The following GRIP1 variants were observed in gnomAD, a reference collection of about 807,000 sequenced individuals.
GRIP1 encodes the protein glutamate receptor-interacting protein 1.
GRIP1 carries 45 observed loss-of-function variants against 129.9 expected under a neutral mutation model. That is an observed-to-expected ratio of 0.35 (90% CI 0.27 to 0.44). The LOEUF is 0.44. Ranked by LOEUF, GRIP1 falls within the 20% of genes least tolerant of loss-of-function variation. The pLI, the probability that GRIP1 is intolerant of heterozygous loss-of-function variation, is 1.00. For synonymous variants in GRIP1, 530 were observed against 520.8 expected (o/e 1.02, Z -0.24); for missense variants, 1,196 against 1,396.8 (o/e 0.86, Z 2.29).
intron 1 of GRIP1, among the ~76,000 whole-genome samples, chr12:66,721,727 T>C (rs1488717124): frequency 6.6e-6 from 1 of 152,240 alleles, no homozygotes; most frequent in African/African-American, 2.4e-5. Flanking sequence ...TCTTCTGATA[T>C]AAGGCTGCTT....
At chr12:66,906,948 C>T (rs1464568949) in intron 1 of GRIP1, among the ~76,000 whole-genome samples, 1 of 152,162 alleles carries the variant, frequency 6.6e-6, no homozygotes, top group African/African-American at 2.4e-5. Flanking sequence ...ACCTTCATAC[C>T]AATGACCACA....
intron 1 of GRIP1, among the ~76,000 whole-genome samples, chr12:67,044,604 G>T (rs185063758): frequency 6.6e-6 from 1 of 152,196 alleles, no homozygotes; most frequent in East Asian, 1.9e-4. Context: ...GATTCCCAGG[G>T]TGTATTATGT....
At chr12:66,438,764 G>A (rs1419405180) in intron 13 of GRIP1, among the ~76,000 whole-genome samples, 1 of 152,062 alleles carries the variant, frequency 6.6e-6, no homozygotes, top group African/African-American at 2.4e-5. Flanking sequence ...CCAAAGTGCT[G>A]GGATTACAGG....
At chr12:66,453,973 A>G (rs963596413) in intron 11 of GRIP1, among the ~76,000 whole-genome samples, 1 of 152,342 alleles carries the variant, frequency 6.6e-6, no homozygotes, top group Non-Finnish European at 1.5e-5. Flanking sequence ...CTTTGTTCTC[A>G]TTTTGACTAA....
At chr12:66,979,241 A>AAAAAAAAAAAAAC (rs2042205314) in intron 1 of GRIP1, among the ~76,000 whole-genome samples, 1 of 127,372 alleles carries the variant, frequency 7.9e-6, no homozygotes, top group African/African-American at 3.1e-5. Context: ...AAAAAAAAAA[A>AAAAAAAAAAAAAC]AAAAAAAAAA....
At chr12:66,382,986 T>G (rs1474599497) in intron 19 of GRIP1, among the ~76,000 whole-genome samples, 1 of 152,052 alleles carries the variant, frequency 6.6e-6, no homozygotes, top group Non-Finnish European at 1.5e-5. Context: ...CAGCATTTAC[T>G]AGTTGGAACT....
intron 14 of GRIP1, among the ~76,000 whole-genome samples, chr12:66,432,127 T>C (rs1490079611): frequency 1.3e-5 from 2 of 152,224 alleles, no homozygotes; most frequent in East Asian, 1.9e-4. Context: ...ATATATATTA[T>C]ACGATATACT....
chr12:66,710,102 T>C (rs910341634), intron 1 of GRIP1, among the ~76,000 whole-genome samples: 16 of 152,002 alleles, frequency 1.1e-4, no homozygotes, highest in African/African-American at 3.9e-4. Flanking sequence ...GAAGTTCCTC[T>C]TTTTTTCTGC....
chr12:66,893,028 C>T (rs186600789), intron 1 of GRIP1, among the ~76,000 whole-genome samples: 6 of 152,168 alleles, frequency 3.9e-5, no homozygotes, highest in Non-Finnish European at 1.5e-5. Flanking sequence ...GTTCCATCAC[C>T]ACAAAGAAAC....
At chr12:66,481,168 GA>G (rs2059792561) in intron 7 of GRIP1, among the ~76,000 whole-genome samples, 1 of 147,218 alleles carries the variant, frequency 6.8e-6, no homozygotes, top group Non-Finnish European at 1.5e-5. Flanking sequence ...GCAACCTACA[GA>G]ATGGGAGAAA....
intron 23 of GRIP1, among the ~76,000 whole-genome samples, chr12:66,364,265 CA>C (rs1159887365): frequency 0.056 from 912 of 16,350 alleles, 2 homozygotes; most frequent in African/African-American, 0.11. Flanking sequence ...GACTCCATCT[CA>C]AAAAAAAAAA....
rs12582771 is a variant in GRIP1, at chr12:66,924,065, G to A, written c.58+144985C>T. On this transcript the variant is annotated intron_variant, in intron 1 of 1. Coordinates refer to the GRIP1 transcript ENST00000643019. Reference sequence around the variant, plus strand: ...TCGCCATGTTGGCCAGGCTGGTCTCGGACTCCTGGCAGCAGGTGATTCACC... The same window carrying A: ...TCGCCATGTTGGCCAGGCTGGTCTCAGACTCCTGGCAGCAGGTGATTCACC... Among the ~76,000 whole-genome samples the A allele has an allele frequency of 2.7e-3, 414 of 152,030 alleles. 3 individuals are homozygous for A. In the East Asian group the frequency reaches 0.034, roughly 13 times the overall value.
chr12:66,698,029 T>G (rs988028689), intron 1 of GRIP1, among the ~76,000 whole-genome samples: 1 of 152,116 alleles, frequency 6.6e-6, no homozygotes, highest in African/African-American at 2.4e-5. Context: ...AGAATTACGG[T>G]TACAGTATTT....
chr12:66,444,227 C>T (rs1206514038), intron 13 of GRIP1, among the ~76,000 whole-genome samples: 3 of 152,080 alleles, frequency 2.0e-5, no homozygotes, highest in Non-Finnish European at 4.4e-5. Context: ...TGGCTCACGC[C>T]TGTAATCCCA....
At chr12:66,746,749 C>G (rs1287150328) in intron 1 of GRIP1, among the ~76,000 whole-genome samples, 2 of 152,134 alleles carry the variant, frequency 1.3e-5, no homozygotes. Flanking sequence ...ATCTCAGGTA[C>G]TAAGGTGTGA....
intron 1 of GRIP1, among the ~76,000 whole-genome samples, chr12:66,783,275 T>G (rs781732380): frequency 6.6e-6 from 1 of 152,158 alleles, no homozygotes; most frequent in Non-Finnish European, 1.5e-5. Context: ...CTCATGTGAT[T>G]GGCCCATCTC....
intron 1 of GRIP1, among the ~76,000 whole-genome samples, chr12:66,690,291 T>G (rs979175651): frequency 1.3e-5 from 2 of 152,060 alleles, no homozygotes; most frequent in Non-Finnish European, 2.9e-5. Context: ...CTGGCTTATT[T>G]CACTTAACAT....
chr12:66,481,388 C>T (rs1323157183), intron 7 of GRIP1, among the ~76,000 whole-genome samples: 1 of 152,048 alleles, frequency 6.6e-6, no homozygotes, highest in African/African-American at 2.4e-5. Context: ...CAAATCAAAT[C>T]CACAATGAGA....
chr12:66,990,934 G>A (rs1177753397), intron 1 of GRIP1, among the ~76,000 whole-genome samples: 1 of 149,572 alleles, frequency 6.7e-6, no homozygotes, highest in South Asian at 2.1e-4. Context: ...CCGAGATAGC[G>A]CCATTACGCT....
Sources: gnomAD v4.1 joint callset for allele counts (sites outside exome capture counted in the v4.1 genomes callset) on GRCh38, gnomAD v4.1.1 for gene constraint, MANE v1.5 for transcripts, NCBI Gene and HGNC (gene_info 2026-07-23, HGNC 2026-07-21) for gene names.